Variants in XYLT1 observed in about 807,000 individuals in gnomAD.
XYLT1 encodes xylosyltransferase 1.
XYLT1 carries 36 observed loss-of-function variants against 91.3 expected under a neutral mutation model. That is an observed-to-expected ratio of 0.39 (90% CI 0.30 to 0.52). The LOEUF is 0.52. Among genes scored for constraint, XYLT1 ranks in the 20% least tolerant of loss-of-function variants. The pLI is 0.68. For synonymous variants in XYLT1, 588 were observed against 532.0 expected (o/e 1.11, Z -1.45); for missense variants, 1,242 against 1,284.5 (o/e 0.97, Z 0.51).
Position 17,297,544 on chromosome 16 carries a change from C to A in XYLT1, c.403-38046G>T, listed in dbSNP as rs2034329379. The stretch of plus-strand genomic sequence containing the variant: ...CCTGGAGAACAAGTGAGGACCCCAT[C>A]TCTAAAGAAAATGAAAAAAAAAAAA... On this transcript the variant is annotated intron_variant, in intron 2 of 11. Transcript: ENST00000261381. Among the ~76,000 whole-genome samples the A allele has an allele frequency of 2.1e-5, 3 of 140,306 alleles. No individual in the cohort carries two copies. In the South Asian group the frequency reaches 6.8e-4, roughly 32 times the overall value. The allele number at this position is 140,306 out of a possible 152,430, so 92.0% of individuals were successfully genotyped here.
At chr16:17,384,091 A>G (rs564593028) in intron 1 of XYLT1, among the ~76,000 whole-genome samples, 3 of 151,816 alleles carry the variant, frequency 2.0e-5, no homozygotes, top group African/African-American at 4.8e-5. Flanking sequence ...GTTTCCCTCC[A>G]TAAGATGAGG....
intron 3 of XYLT1, among the ~76,000 whole-genome samples, chr16:17,211,322 G>T (rs1316692376): frequency 1.3e-5 from 2 of 152,140 alleles, no homozygotes; most frequent in Non-Finnish European, 2.9e-5. Flanking sequence ...CATCCATCCT[G>T]CAAGGACCCA....
rs904165727 is a variant in XYLT1, at chr16:17,355,977, G to T, written c.402+2035C>A. Among the ~76,000 whole-genome samples, 7 of 152,224 alleles carry T rather than the reference G, an allele frequency of 4.6e-5. No homozygotes were observed. The East Asian group carries it at 1.4e-3, about 29-fold the overall frequency. ...GATCTGCCTACCTCAGCCCCCCAAA[G>T]TGCTGGGATACAGGCGTTAGCCACC... On this transcript the variant is annotated intron_variant, in intron 2 of 11. Transcript: ENST00000261381.
intron 1 of XYLT1, among the ~76,000 whole-genome samples, chr16:17,384,169 C>T (rs1381825228): frequency 1.3e-5 from 2 of 151,846 alleles, no homozygotes; most frequent in African/African-American, 4.8e-5. Flanking sequence ...ATGTAAAACA[C>T]TTGGCATAGA....
chr16:17,232,405 C>G (rs889873234), intron 3 of XYLT1, among the ~76,000 whole-genome samples: 2,124 of 118,952 alleles, frequency 0.018, 40 homozygotes, highest in South Asian at 0.079. Flanking sequence ...GTGTCTGTGT[C>G]TGTGTGTGTG....
chr16:17,195,443 T>C (rs544898409), intron 5 of XYLT1, among the ~76,000 whole-genome samples: 2 of 152,036 alleles, frequency 1.3e-5, no homozygotes, highest in Non-Finnish European at 2.9e-5. Context: ...TTGTTGTTTT[T>C]TGTTTGTTTG....
chr16:17,389,492 C>T (rs977797647), intron 1 of XYLT1, among the ~76,000 whole-genome samples: 1 of 152,190 alleles, frequency 6.6e-6, no homozygotes, highest in Non-Finnish European at 1.5e-5. Context: ...GAAAGGAGTA[C>T]AGACATTCTG....
intron 5 of XYLT1, among the ~76,000 whole-genome samples, chr16:17,195,593 G>A (rs899231786): frequency 3.3e-5 from 5 of 151,976 alleles, no homozygotes; most frequent in Non-Finnish European, 1.5e-5. Context: ...TTACAGGCAC[G>A]CACCACCATG....
At chr16:17,184,562 T>A (rs1462109233) in intron 5 of XYLT1, among the ~76,000 whole-genome samples, 1 of 152,160 alleles carries the variant, frequency 6.6e-6, no homozygotes, top group Admixed American at 6.5e-5. Context: ...ATTAAAATCA[T>A]ATCAAATTGA....
intron 3 of XYLT1, among the ~76,000 whole-genome samples, chr16:17,217,960 A>AAT (rs1567327499): frequency 2.0e-5 from 3 of 148,544 alleles, no homozygotes; most frequent in Admixed American, 6.7e-5. Context: ...ATAATAATAA[A>AAT]AAAAAAAAAA....
chr16:17,245,252 C>T (rs2033418297), intron 3 of XYLT1, among the ~76,000 whole-genome samples: 1 of 152,136 alleles, frequency 6.6e-6, no homozygotes, highest in African/African-American at 2.4e-5. Context: ...TCTTAAAAAT[C>T]GTGAGGAGAA....
At chr16:17,198,111 G>C (rs1047066980) in intron 5 of XYLT1, 101 bp downstream of exon 5, 1 of 1,226,336 alleles carries the variant, frequency 8.2e-7, no homozygotes, top group Non-Finnish European at 1.2e-6. Flanking sequence ...CGATCCTGTG[G>C]AGACTATGCA....
chr16:17,440,628 C>A (rs1596547076), intron 1 of XYLT1, among the ~76,000 whole-genome samples: 1 of 152,176 alleles, frequency 6.6e-6, no homozygotes, highest in South Asian at 2.1e-4. Context: ...CGTTCATCTG[C>A]AGAATCTGGA....
At chr16:17,397,827 C>CTTTT (rs749199983) in intron 1 of XYLT1, among the ~76,000 whole-genome samples, 1 of 108,732 alleles carries the variant, frequency 9.2e-6, no homozygotes, top group African/African-American at 3.8e-5. Flanking sequence ...TTGAATAGCT[C>CTTTT]TTTTTTTTTT....
intron 3 of XYLT1, among the ~76,000 whole-genome samples, chr16:17,253,158 A>G (rs1396655130): frequency 2.0e-5 from 3 of 152,198 alleles, no homozygotes; most frequent in African/African-American, 7.2e-5. Context: ...TATGGCTTAA[A>G]TGCTATTAAT....
At chr16:17,402,005 A>G (rs769072739) in intron 1 of XYLT1, among the ~76,000 whole-genome samples, 1 of 152,126 alleles carries the variant, frequency 6.6e-6, no homozygotes, top group East Asian at 1.9e-4. Flanking sequence ...AAAAGCTTTA[A>G]AAGTGTTTCT....
chr16:17,353,240 G>C (rs963684170), intron 2 of XYLT1, among the ~76,000 whole-genome samples: 1 of 152,164 alleles, frequency 6.6e-6, no homozygotes. Flanking sequence ...CAAATACCCA[G>C]ATTGACAAAT....
intron 1 of XYLT1, among the ~76,000 whole-genome samples, chr16:17,466,102 G>C (rs1187082312): frequency 6.6e-6 from 1 of 152,090 alleles, no homozygotes; most frequent in Non-Finnish European, 1.5e-5. Context: ...TGTTAAGATC[G>C]AGTTTGTTTT....
intron 3 of XYLT1, among the ~76,000 whole-genome samples, chr16:17,211,942 G>T (rs1314668676): frequency 6.6e-6 from 1 of 152,168 alleles, no homozygotes; most frequent in Non-Finnish European, 1.5e-5. Context: ...CTACCCACTA[G>T]GTGCCAGTAG....
Sources: allele counts gnomAD v4.1 joint callset (sites outside exome capture counted in the v4.1 genomes callset), GRCh38; gene constraint gnomAD v4.1.1; transcripts MANE v1.5; gene names NCBI Gene and HGNC (gene_info 2026-07-23, HGNC 2026-07-21).